Variants in PTK2 observed in about 807,000 individuals in gnomAD.
PTK2 encodes the protein protein tyrosine kinase 2.
A neutral mutation model predicts 150.1 loss-of-function variants in PTK2; 45 were observed. The observed-to-expected ratio is 0.30, with a 90% CI of 0.24 to 0.38. PTK2 has a LOEUF of 0.38. Among genes scored for constraint, PTK2 ranks in the 10% least tolerant of loss-of-function variants. The probability of loss-of-function intolerance (pLI) is 1.00; values close to 1 mark genes in which losing one functional copy is unlikely to be tolerated. For synonymous variants in PTK2, 432 were observed against 449.2 expected, an observed-to-expected ratio of 0.96 and a Z score of 0.48; for missense variants, 919 against 1,307.3, an observed-to-expected ratio of 0.70 and a Z score of 4.58.
At chr8:140,729,588 A>G (rs933671565) in intron 22 of PTK2, among the ~76,000 whole-genome samples, 2 of 152,270 alleles carry the variant, frequency 1.3e-5, no homozygotes, top group Non-Finnish European at 2.9e-5. Flanking sequence ...TGATGCTGCC[A>G]TTCCTTTTAA....
intron 5 of PTK2, among the ~76,000 whole-genome samples, chr8:140,854,815 C>T (rs1482382317): frequency 6.6e-6 from 1 of 151,990 alleles, no homozygotes; most frequent in Non-Finnish European, 1.5e-5. Context: ...CATGACCCCA[C>T]CCAAAATGGA....
intron 17 of PTK2, among the ~76,000 whole-genome samples, chr8:140,748,379 G>T (rs1427321080): frequency 1.3e-5 from 2 of 151,776 alleles, no homozygotes; most frequent in Non-Finnish European, 2.9e-5. Context: ...TGTAGTCCCA[G>T]CTACTCAGGA....
intron 25 of PTK2, 141 bp downstream of exon 28, chr8:140,702,429 G>A: frequency 9.3e-7 from 1 of 1,076,224 alleles, no homozygotes. Flanking sequence ...ATGTTGCCCA[G>A]TCTGGTTTCA....
intron 1 of PTK2, among the ~76,000 whole-genome samples, chr8:140,969,970 C>G (rs1445585252): frequency 6.6e-6 from 1 of 152,250 alleles, no homozygotes; most frequent in Non-Finnish European, 1.5e-5. Flanking sequence ...AAAGAGCACA[C>G]TACCCTCTGG....
chr8:140,683,164 G>A (rs2100017999), intron 27 of PTK2, among the ~76,000 whole-genome samples: 1 of 151,786 alleles, frequency 6.6e-6, no homozygotes, highest in Admixed American at 6.6e-5. Flanking sequence ...ACGACAAAGG[G>A]GACATTACCA....
At chr8:140,739,437 G>C (rs923385023) in intron 20 of PTK2, among the ~76,000 whole-genome samples, 1 of 152,132 alleles carries the variant, frequency 6.6e-6, no homozygotes, top group South Asian at 2.1e-4. Flanking sequence ...ACAATTTACA[G>C]AAGAGATCCT....
rs185368523 is a variant in PTK2 at position 140,734,870 on chromosome 8, T to C, written c.2030+381A>G. The C allele has an allele frequency of 1.0e-3, 463 of 455,138 alleles. 2 individuals are homozygous for C. The highest frequency in any genetic ancestry group is 7.2e-3 in the African/African-American group (364 of 50,228). 28.2% of individuals were successfully genotyped at this position (455,138 alleles called of 1,614,324 possible). ...GACAGCATGTGAAAACGCAGTGAGC[T>C]GTGTTAGGAGAATTATAAGTAGGTA... On this transcript the variant is annotated intron_variant, in intron 22 of 31. Coordinates refer to ENST00000522684, the Ensembl canonical transcript of PTK2.
At chr8:140,780,316 G>C (rs1021787891) in intron 14 of PTK2, among the ~76,000 whole-genome samples, 2 of 152,148 alleles carry the variant, frequency 1.3e-5, no homozygotes, top group African/African-American at 4.8e-5. Context: ...GGATCAGAGA[G>C]TGATGGGACC....
intron 26 of PTK2, among the ~76,000 whole-genome samples, chr8:140,694,890 T>TAC (rs1239454279): frequency 6.6e-6 from 1 of 152,224 alleles, no homozygotes. Flanking sequence ...CGAGAGCTTC[T>TAC]ACAACCGACA....
chr8:140,834,138 G>A (rs2100117231), intron 7 of PTK2, among the ~76,000 whole-genome samples: 1 of 152,230 alleles, frequency 6.6e-6, no homozygotes. Flanking sequence ...AGCTGCAATG[G>A]GTGGGGCTGG....
chr8:140,921,507 G>A (rs922387732), intron 2 of PTK2, among the ~76,000 whole-genome samples: 5 of 152,002 alleles, frequency 3.3e-5, no homozygotes, highest in African/African-American at 4.8e-5. Context: ...TAATTACTTT[G>A]ATGAAATAAA....
At chr8:140,890,280 AAC>A in intron 3 of PTK2, 1 of 369,982 alleles carries the variant, frequency 2.7e-6, no homozygotes, top group Non-Finnish European at 4.8e-6. Flanking sequence ...AAAAAAAAAA[AAC>A]CTAGAAGGGA....
chr8:140,764,296 G>A lies in PTK2; in HGVS notation c.1178-6C>T. The A allele has an allele frequency of 6.2e-7, 1 of 1,603,426 alleles. No homozygotes were observed. Among genetic ancestry groups the A allele is most frequent in the Non-Finnish European group, 8.5e-7 (1 of 1,171,694 alleles). On this transcript the variant is annotated splice_region_variant and splice_polypyrimidine_tract_variant and intron_variant, in intron 14 of 31. Transcript: ENST00000522684. ...CTCAGCATAATCATCTGTTTCTGCA[G>A]GAAAAGAAACAGATATGTTGAAAGA...
At chr8:140,954,865 C>G (rs1357965992) in intron 1 of PTK2, 1 of 151,838 alleles carries the variant, frequency 6.6e-6, no homozygotes, top group African/African-American at 2.4e-5. Context: ...TATATATAAC[C>G]ACCATTATTT....
Position 140,840,187 on chromosome 8 carries a change from T to C in PTK2, c.593+6073A>G, listed in dbSNP as rs530015922. Among the ~76,000 whole-genome samples the C allele has an allele frequency of 9.2e-5, 14 of 152,288 alleles. No homozygotes were observed. In the East Asian group the frequency reaches 2.3e-3, roughly 25 times the overall value. On this transcript the variant is annotated intron_variant, in intron 7 of 31. Coordinates refer to ENST00000522684, the Ensembl canonical transcript of PTK2. ...AATCCTCCAGCCTCAGCCTCCCGAC[T>C]AGGTGAGACCACAGCTGCGTGCCAC...
rs113267664 is a variant in PTK2 at position 140,928,529 on chromosome 8, C to T, written c.-121-2780G>A. On this transcript the variant is annotated intron_variant, in intron 1 of 31. Transcript: ENST00000522684. ...CCCATATTCATAGCAGCATTATTCA[C>T]AATAGCCAAAAGGTAGAAGTAACCC... Among the ~76,000 whole-genome samples the T allele has an allele frequency of 5.5e-3, 837 of 152,242 alleles. 10 individuals carry two copies. Among genetic ancestry groups the T allele is most frequent in the African/African-American group, 0.018 (767 of 41,536 alleles).
intron 22 of PTK2, among the ~76,000 whole-genome samples, chr8:140,727,491 CAA>C (rs569200313): frequency 1.4e-3 from 127 of 88,940 alleles, no homozygotes; most frequent in African/African-American, 3.5e-3. Flanking sequence ...GATAGCAATG[CAA>C]AAAAAAAAAA....
intron 16 of PTK2, among the ~76,000 whole-genome samples, chr8:140,760,167 A>G (rs2100068577): frequency 6.6e-6 from 1 of 152,078 alleles, no homozygotes; most frequent in South Asian, 2.1e-4. Flanking sequence ...GGTTGCAGTG[A>G]GCTGAGAAGA....
intron 10 of PTK2, among the ~76,000 whole-genome samples, chr8:140,814,931 C>T (rs762175305): frequency 3.2e-4 from 48 of 152,100 alleles, no homozygotes; most frequent in Non-Finnish European, 5.3e-4. Flanking sequence ...CATGCCACCA[C>T]GCCCAGCTGA....
Sources: allele counts gnomAD v4.1 joint callset (sites outside exome capture counted in the v4.1 genomes callset), GRCh38; gene constraint gnomAD v4.1.1; transcripts MANE v1.5; gene names NCBI Gene and HGNC (gene_info 2026-07-23, HGNC 2026-07-21).